GCNT1: variants seen among roughly 807,000 people sequenced by gnomAD.
GCNT1 encodes glucosaminyl (N-acetyl) transferase 1.
In GCNT1, 16 loss-of-function variants were observed where a neutral mutation model predicts 26.2. That is an observed-to-expected ratio of 0.61 (90% CI 0.41 to 0.93). The LOEUF is 0.93. Ranked by LOEUF, GCNT1 falls within the 40% of genes least tolerant of loss-of-function variation. The probability of loss-of-function intolerance (pLI) is 0.00; values close to 1 mark genes in which losing one functional copy is unlikely to be tolerated. For missense variants in GCNT1, 477 were observed against 526.7 expected (o/e 0.91, Z 0.92); for synonymous variants, 183 against 190.8 (o/e 0.96, Z 0.34).
chr9:76,394,200 G>A, the GCNT1 span: 11 of 1,559,374 alleles, frequency 7.1e-6, no homozygotes, highest in South Asian at 4.7e-5. Context: ...AATGGGCTGC[G>A]GCCCGGTCTG....
At chr9:76,413,668 G>GTTTTTTTTTTTTTTTTTTT in the GCNT1 span, among the ~76,000 whole-genome samples, 9 of 84,192 alleles carry the variant, frequency 1.1e-4, no homozygotes, top group South Asian at 4.0e-4. Flanking sequence ...TTTTTTTTTT[G>GTTTTTTTTTTTTTTTTTTT]TTTTTTTTTT....
At chr9:76,399,654 A>C in the GCNT1 span, 1 of 491,482 alleles carries the variant, frequency 2.0e-6, no homozygotes, top group South Asian at 3.0e-5. Flanking sequence ...TCAGTTTCTT[A>C]AAAAAAAAAA....
chr9:76,412,477 G>T, the GCNT1 span, among the ~76,000 whole-genome samples: 1 of 152,098 alleles, frequency 6.6e-6, no homozygotes, highest in South Asian at 2.1e-4. Context: ...CTTAGTGTTT[G>T]TTGGTCTCAG....
At chr9:76,494,251 TG>T (rs1176881483) in intron 2 of GCNT1, among the ~76,000 whole-genome samples, 1 of 152,198 alleles carries the variant, frequency 6.6e-6, no homozygotes, top group Non-Finnish European at 1.5e-5. Flanking sequence ...CGTATTCTCC[TG>T]GGCCACAAAG....
In GCNT1 at chr9:76,503,448, G is replaced by A; in HGVS notation, c.1067G>A (p.Trp356Ter). The A allele has an allele frequency of 6.2e-7, 1 of 1,614,160 alleles. No homozygotes were observed. Among genetic ancestry groups the A allele is most frequent in the Non-Finnish European group, 8.5e-7 (1 of 1,180,002 alleles). ...DMQAVARFVK[W>*]QYFEGDVSKG... is the part of the protein sequence containing the mutation. ...CAAGCAGTTGCCAGGTTTGTCAAGT[G>A]GCAGTACTTTGAGGGTGATGTTTCC... The change falls in exon 4 of 4, where the codon TGG (tryptophan) becomes TAG (stop). Residue 356 changes from tryptophan to a stop codon, truncating the protein, a stop_gained. Coordinates refer to ENST00000376730, the MANE Select transcript of GCNT1 (RefSeq NM_001490.5). LOFTEE classifies it high-confidence loss of function.
At chr9:76,444,050 G>A (rs904295703) in intron 1 of GCNT1, among the ~76,000 whole-genome samples, 2 of 152,108 alleles carry the variant, frequency 1.3e-5, no homozygotes, top group African/African-American at 4.8e-5. Flanking sequence ...AGAAAGAGAG[G>A]CAAGACAGAT....
In GCNT1 at chr9:76,506,195, T is replaced by G. The variant is rs1161721279; in HGVS notation, c.*2527T>G. 1.8e-5 allele frequency: 3 copies of G among 167,108 alleles called. No individual in the cohort carries two copies. Among genetic ancestry groups the G allele is most frequent in the Non-Finnish European group, 4.4e-5 (3 of 68,122 alleles). 10.4% of individuals were successfully genotyped at this position (167,108 alleles called of 1,614,324 possible). A position where few individuals can be genotyped will look rare whatever the true frequency, so the allele number is the denominator to read the frequency against. ...GTGAGAAATATAGAAATTATTTAAA[T>G]TACTTTATAGTAATTATTAAACACT... On this transcript the variant is annotated 3_prime_UTR_variant, in exon 4 of 4. Transcript: ENST00000376730.
chr9:76,427,799 C>T (rs543880792), intron 1 of GCNT1, among the ~76,000 whole-genome samples: 2 of 152,102 alleles, frequency 1.3e-5, no homozygotes, highest in South Asian at 4.1e-4. Context: ...CCACCCTGGC[C>T]AACATGGTGA....
the GCNT1 span, among the ~76,000 whole-genome samples, chr9:76,397,495 G>A: frequency 6.7e-6 from 1 of 150,120 alleles, no homozygotes; most frequent in African/African-American, 2.5e-5. Context: ...TCAGGTTGGA[G>A]TGCAGTGGCG....
intron 2 of GCNT1, among the ~76,000 whole-genome samples, chr9:76,483,869 A>G (rs569696566): frequency 2.0e-5 from 3 of 151,744 alleles, no homozygotes; most frequent in Admixed American, 6.6e-5. Context: ...GGGTCTTGCT[A>G]TGTTGATTCA....
At chr9:76,499,020 A>G (rs115468159) in intron 2 of GCNT1, among the ~76,000 whole-genome samples, 259 of 148,108 alleles carry the variant, frequency 1.7e-3, no homozygotes, top group African/African-American at 6.3e-3. Context: ...TTCATTTAGT[A>G]TTTCTTGTAG....
the GCNT1 span, among the ~76,000 whole-genome samples, chr9:76,413,653 G>GTTTTTTTTTGTTTGTTTTTTT: frequency 8.4e-6 from 1 of 118,664 alleles, no homozygotes; most frequent in Non-Finnish European, 1.8e-5. Flanking sequence ...GTTTTGTTTT[G>GTTTTTTTTTGTTTGTTTTTTT]TTTTTTTTTT....
In GCNT1 at chr9:76,503,307, T is replaced by C. The variant is rs775381593; in HGVS notation, c.926T>C (p.Met309Thr). 6.2e-7 allele frequency: 1 copy of C among 1,614,062 alleles called. No individual in the cohort carries two copies. The highest frequency in any genetic ancestry group is 1.1e-5 in the South Asian group (1 of 91,080). ...VLQNEKIQKLMEWAQDTYSPD... is the reference protein window; with the variant it reads ...VLQNEKIQKLTEWAQDTYSPD... ...CAGAATGAAAAAATCCAAAAGTTGA[T>C]GGAGTGGGCACAAGACACATACAGC... Residue 309 changes from methionine (M) to threonine (T), a missense_variant, in exon 4 of 4, where the codon ATG becomes ACG. By Grantham distance (81) the Met-to-Thr change is moderately conservative. Coordinates refer to ENST00000376730, the MANE Select transcript of GCNT1 (RefSeq NM_001490.5).
chr9:76,395,011 CTG>C, the GCNT1 span, among the ~76,000 whole-genome samples: 1 of 152,198 alleles, frequency 6.6e-6, no homozygotes, highest in Non-Finnish European at 1.5e-5. Flanking sequence ...AAGTCCCTGT[CTG>C]TGACGCTGTT....
the GCNT1 span, among the ~76,000 whole-genome samples, chr9:76,413,176 A>G: frequency 6.6e-6 from 1 of 152,252 alleles, no homozygotes; most frequent in Non-Finnish European, 1.5e-5. Context: ...TGAATGACAC[A>G]TCTAAACCTA....
At chr9:76,500,376 G>A (rs1825031728) in intron 2 of GCNT1, among the ~76,000 whole-genome samples, 1 of 152,170 alleles carries the variant, frequency 6.6e-6, no homozygotes, top group African/African-American at 2.4e-5. Context: ...CCAGTAAGGG[G>A]CAGGAATTAC....
intron 1 of GCNT1, among the ~76,000 whole-genome samples, chr9:76,422,183 CG>C (rs1331945159): frequency 5.3e-5 from 8 of 152,088 alleles, no homozygotes; most frequent in Non-Finnish European, 1.0e-4. Context: ...TACCTCCCAC[CG>C]GGTCCCTCTC....
chr9:76,470,728 ATTAT>A (rs1463865980), intron 2 of GCNT1, among the ~76,000 whole-genome samples: 9 of 152,108 alleles, frequency 5.9e-5, no homozygotes, highest in Admixed American at 5.9e-4. Context: ...AAAACATCAC[ATTAT>A]ACCCCATAAA....
At chr9:76,424,002 G>T (rs1199323618) in intron 1 of GCNT1, among the ~76,000 whole-genome samples, 1 of 152,174 alleles carries the variant, frequency 6.6e-6, no homozygotes, top group Admixed American at 6.5e-5. Context: ...AGCACTAGAT[G>T]CTAGAGATTA....
Sources: allele counts gnomAD v4.1 joint callset (sites outside exome capture counted in the v4.1 genomes callset), GRCh38; gene constraint gnomAD v4.1.1; transcripts MANE v1.5; gene names NCBI Gene and HGNC (gene_info 2026-07-23, HGNC 2026-07-21).